Variants in RNLS observed in about 807,000 individuals in gnomAD.
The protein encoded by RNLS is renalase.
Under a neutral mutation model 39.8 loss-of-function variants are expected in RNLS, and 39 were observed. The ratio of observed to expected loss-of-function variants is 0.98; its 90% CI spans 0.76 to 1.28. The LOEUF is 1.28. RNLS is among the 50% of genes most tolerant of loss of function. The pLI, the probability that RNLS is intolerant of heterozygous loss-of-function variation, is 0.00. For missense variants in RNLS, 410 were observed against 413.3 expected, an observed-to-expected ratio of 0.99 and a Z score of 0.07; for synonymous variants, 147 against 150.7, an observed-to-expected ratio of 0.98 and a Z score of 0.18.
intron 4 of RNLS, among the ~76,000 whole-genome samples, chr10:88,499,956 T>C (rs1190128878): frequency 6.6e-6 from 1 of 152,148 alleles, no homozygotes; most frequent in African/African-American, 2.4e-5. Flanking sequence ...TTATAAGCTA[T>C]GCAGGTTTTT....
chr10:88,519,443 C>T (rs954675009), intron 4 of RNLS, among the ~76,000 whole-genome samples: 1 of 150,526 alleles, frequency 6.6e-6, no homozygotes, highest in Non-Finnish European at 1.5e-5. Flanking sequence ...TAAAACATAC[C>T]TTGTGTCTCT....
chr10:88,359,282 C>T (rs1455447180), intron 5 of RNLS, among the ~76,000 whole-genome samples: 2 of 151,022 alleles, frequency 1.3e-5, no homozygotes, highest in African/African-American at 4.9e-5. Flanking sequence ...TGCCACTACA[C>T]TACAGCCTGG....
At chr10:88,542,617 T>C (rs747477732) in intron 4 of RNLS, among the ~76,000 whole-genome samples, 19 of 152,140 alleles carry the variant, frequency 1.2e-4, no homozygotes, top group Non-Finnish European at 2.2e-4. Context: ...ATAAATCAGC[T>C]AAGCATTTAG....
chr10:88,420,007 T>C (rs1338101616), intron 4 of RNLS, among the ~76,000 whole-genome samples: 1 of 142,154 alleles, frequency 7.0e-6, no homozygotes, highest in Non-Finnish European at 1.6e-5. Context: ...TGAAACTCCA[T>C]CTCAAAATAA....
chr10:88,194,348 A>G, the RNLS span, among the ~76,000 whole-genome samples: 8 of 152,236 alleles, frequency 5.3e-5, no homozygotes, highest in Non-Finnish European at 1.0e-4. Flanking sequence ...TGTTAAATGT[A>G]GAGAGCAAAA....
the RNLS span, among the ~76,000 whole-genome samples, chr10:88,204,118 C>T: frequency 6.6e-6 from 1 of 152,118 alleles, no homozygotes; most frequent in Non-Finnish European, 1.5e-5. Flanking sequence ...GCAGGTCACC[C>T]ATCCTTACAC....
At chr10:88,221,042 T>G in the RNLS span, among the ~76,000 whole-genome samples, 3 of 152,198 alleles carry the variant, frequency 2.0e-5, no homozygotes, top group African/African-American at 7.2e-5. Flanking sequence ...AGACTCCACC[T>G]GCTCCCATCA....
the RNLS span, among the ~76,000 whole-genome samples, chr10:88,264,505 T>C: frequency 6.6e-6 from 1 of 152,186 alleles, no homozygotes; most frequent in Non-Finnish European, 1.5e-5. Context: ...TTTTTGATTA[T>C]GGCCATTCTT....
At chr10:88,424,954 T>C (rs1009538272) in intron 4 of RNLS, among the ~76,000 whole-genome samples, 13 of 152,146 alleles carry the variant, frequency 8.5e-5, no homozygotes, top group Non-Finnish European at 1.5e-5. Context: ...ATATAAAATA[T>C]GTAACAAGAA....
At position 88,284,918 on chromosome 10, in the gene RNLS, TTTGCAAAAATA is replaced by T; in HGVS notation, c.*425_*435del. On this transcript the variant is annotated 3_prime_UTR_variant, in exon 7 of 7. Coordinates refer to ENST00000331772, the MANE Select transcript of RNLS (RefSeq NM_001031709.3). ...TTTGGAAAAATCTTGTTTTGTATAA[TTTGCAAAAATA>T]TTGATTCAAGGACACATCCGAAGAC... The T allele has an allele frequency of 1.0e-6, 1 of 985,918 alleles. No homozygotes were observed. The highest frequency in any genetic ancestry group is 5.2e-4 in the Middle Eastern group (1 of 1,914). The allele number at this position is 985,918 out of a possible 1,614,324, so 61.1% of individuals were successfully genotyped here. A position where few individuals can be genotyped will look rare whatever the true frequency, so the allele number is the denominator to read the frequency against.
At chr10:88,243,972 G>C in the RNLS span, among the ~76,000 whole-genome samples, 1 of 152,234 alleles carries the variant, frequency 6.6e-6, no homozygotes, top group Non-Finnish European at 1.5e-5. Flanking sequence ...ACTTCAGCCT[G>C]CATCTTGGCC....
intron 4 of RNLS, among the ~76,000 whole-genome samples, chr10:88,365,734 G>A (rs1367812199): frequency 6.6e-6 from 1 of 151,950 alleles, no homozygotes; most frequent in Non-Finnish European, 1.5e-5. Flanking sequence ...TTGTGCCAGT[G>A]TCTTTGTGTG....
intron 4 of RNLS, among the ~76,000 whole-genome samples, chr10:88,404,979 A>C (rs890082864): frequency 2.0e-5 from 3 of 152,080 alleles, no homozygotes; most frequent in Admixed American, 2.0e-4. Context: ...CAGCTGTTTT[A>C]GTCAGCTGGG....
the RNLS span, among the ~76,000 whole-genome samples, chr10:88,265,137 T>G: frequency 7.2e-6 from 1 of 138,144 alleles, no homozygotes; most frequent in African/African-American, 2.5e-5. Flanking sequence ...GAAGATCAGT[T>G]GGCTGTGAGT....
At chr10:88,553,276 G>A (rs1848687132) in intron 4 of RNLS, among the ~76,000 whole-genome samples, 1 of 152,186 alleles carries the variant, frequency 6.6e-6, no homozygotes, top group African/African-American at 2.4e-5. Context: ...ATCCTGGGAT[G>A]CATTTGCAAT....
At chr10:88,511,613 T>C (rs143376864) in intron 4 of RNLS, among the ~76,000 whole-genome samples, 3 of 152,046 alleles carry the variant, frequency 2.0e-5, no homozygotes, top group African/African-American at 7.2e-5. Context: ...TATGCCAACA[T>C]TTATAGGCCT....
At chr10:88,436,456 A>T (rs2133829286) in intron 4 of RNLS, among the ~76,000 whole-genome samples, 1 of 152,346 alleles carries the variant, frequency 6.6e-6, no homozygotes, top group East Asian at 1.9e-4. Flanking sequence ...CCACAGATTT[A>T]TGCCAGTTGT....
chr10:88,382,963 G>A (rs1186234837), intron 4 of RNLS, among the ~76,000 whole-genome samples: 2 of 152,032 alleles, frequency 1.3e-5, no homozygotes, highest in African/African-American at 4.8e-5. Flanking sequence ...CAGAAAAAGG[G>A]TTTAATTGTA....
intron 4 of RNLS, among the ~76,000 whole-genome samples, chr10:88,374,357 TATTA>T (rs1240547866): frequency 1.3e-5 from 2 of 151,956 alleles, no homozygotes; most frequent in Admixed American, 1.3e-4. Flanking sequence ...AGGTGTCTGT[TATTA>T]ATTAGTTAGT....
Sources: allele counts gnomAD v4.1 joint callset (sites outside exome capture counted in the v4.1 genomes callset), GRCh38; gene constraint gnomAD v4.1.1; transcripts MANE v1.5; gene names NCBI Gene and HGNC (gene_info 2026-07-23, HGNC 2026-07-21).